GRAP2: variants seen among roughly 807,000 people sequenced by gnomAD.
The protein encoded by GRAP2 is GRB2-related adapter protein 2.
GRAP2 carries 31 observed loss-of-function variants against 43.5 expected under a neutral mutation model. The observed-to-expected ratio is 0.71, with a 90% CI of 0.54 to 0.96. The LOEUF (loss-of-function observed/expected upper bound fraction) is 0.96, where lower values mean the gene tolerates loss of function less well. Ranked by LOEUF, GRAP2 falls within the 40% of genes least tolerant of loss-of-function variation. The pLI, the probability that GRAP2 is intolerant of heterozygous loss-of-function variation, is 0.00. For missense variants in GRAP2, 371 were observed against 424.4 expected, an observed-to-expected ratio of 0.87 and a Z score of 1.11; for synonymous variants, 156 against 164.8, an observed-to-expected ratio of 0.95 and a Z score of 0.41.
At chr22:39,906,457 T>C (rs2066523852) in intron 1 of GRAP2, among the ~76,000 whole-genome samples, 1 of 152,172 alleles carries the variant, frequency 6.6e-6, no homozygotes, top group Non-Finnish European at 1.5e-5. Flanking sequence ...ACAAAAGGGT[T>C]CGACTGCTGA....
chr22:39,897,940 C>T (rs1312717694), upstream of GRAP2, among the ~76,000 whole-genome samples: 2 of 152,156 alleles, frequency 1.3e-5, no homozygotes, highest in Non-Finnish European at 2.9e-5. Flanking sequence ...ATACTACTCC[C>T]CAGTTCAAAA....
intron 1 of GRAP2, among the ~76,000 whole-genome samples, chr22:39,945,753 T>A (rs1460536391): frequency 6.6e-6 from 1 of 152,228 alleles, no homozygotes; most frequent in African/African-American, 2.4e-5. Context: ...CTTGTGCTGA[T>A]TTTGGTCAGG....
At position 39,904,398 on chromosome 22, in the gene GRAP2, A is replaced by AAAAAG. The variant is rs568359773; in HGVS notation, c.-15+3085_-15+3089dup. ...GCAAGATCCTGTCTCAAAAAGAGGA[A>AAAAAG]AAAAGAAAAGAAAAGAAAAGATAGT... On this transcript the variant is annotated intron_variant, in intron 1 of 7. Coordinates refer to ENST00000344138, the MANE Select transcript of GRAP2 (RefSeq NM_004810.4). 1.8e-4 allele frequency among the ~76,000 whole-genome samples: 28 copies of AAAAAG among 152,374 alleles called. No homozygotes were observed. The South Asian group carries it at 1.9e-3, about 10-fold the overall frequency.
intron 1 of GRAP2, among the ~76,000 whole-genome samples, chr22:39,912,742 T>C (rs2145577303): frequency 6.6e-6 from 1 of 152,236 alleles, no homozygotes; most frequent in East Asian, 1.9e-4. Flanking sequence ...CATGTCACTA[T>C]ATGACCAGGC....
chr22:39,938,610 G>A (rs2066831777), intron 1 of GRAP2, among the ~76,000 whole-genome samples: 1 of 152,226 alleles, frequency 6.6e-6, no homozygotes, highest in African/African-American at 2.4e-5. Context: ...CACAGAAGGT[G>A]ACTGTGGGCT....
intron 1 of GRAP2, among the ~76,000 whole-genome samples, chr22:39,922,224 T>C (rs1001047590): frequency 8.5e-5 from 13 of 152,258 alleles, no homozygotes; most frequent in African/African-American, 2.4e-4. Flanking sequence ...TGCCTTTCCA[T>C]TGGGTGCCAT....
intron 3 of GRAP2, 83 bp from the exon 4 acceptor site, chr22:39,959,972 C>G (rs1033751928): frequency 7.5e-7 from 1 of 1,332,204 alleles, no homozygotes; most frequent in Non-Finnish European, 1.1e-6. Context: ...GCCTCTTTCC[C>G]TCTGGGTCAC....
intron 1 of GRAP2, among the ~76,000 whole-genome samples, chr22:39,940,749 C>G (rs1420772660): frequency 3.3e-5 from 5 of 152,122 alleles, no homozygotes; most frequent in African/African-American, 9.7e-5. Context: ...GGAATTTAAG[C>G]ATCAGACAGT....
intron 1 of GRAP2, among the ~76,000 whole-genome samples, chr22:39,946,298 AT>A (rs1475344426): frequency 6.6e-6 from 1 of 152,216 alleles, no homozygotes; most frequent in East Asian, 1.9e-4. Flanking sequence ...CAAAACTGGG[AT>A]TGGAGCCAGC....
intron 1 of GRAP2, among the ~76,000 whole-genome samples, chr22:39,909,721 G>A (rs892879245): frequency 9.9e-5 from 15 of 152,156 alleles, no homozygotes; most frequent in Non-Finnish European, 1.8e-4. Context: ...GTACCACAAT[G>A]CAAAACTGAT....
At chr22:39,939,265 G>C (rs747310626) in intron 1 of GRAP2, among the ~76,000 whole-genome samples, 1 of 152,164 alleles carries the variant, frequency 6.6e-6, no homozygotes, top group Non-Finnish European at 1.5e-5. Flanking sequence ...TCTCGAACCT[G>C]AGAAGAAATG....
At chr22:39,927,351 C>G (rs1276879205) in intron 1 of GRAP2, among the ~76,000 whole-genome samples, 1 of 152,126 alleles carries the variant, frequency 6.6e-6, no homozygotes, top group Non-Finnish European at 1.5e-5. Flanking sequence ...TGTGAATCAG[C>G]CCTGGGATTG....
chr22:39,969,679 C>T, intron 7 of GRAP2, 146 bp downstream of exon 7: 1 of 784,956 alleles, frequency 1.3e-6, no homozygotes, highest in Non-Finnish European at 2.0e-6. Context: ...TTTGGGAGGC[C>T]AAGGCAGGTG....
rs368822943 is a variant in GRAP2, at chr22:39,970,967, C to T, written c.876C>T (p.Phe292=). 1.2e-6 allele frequency: 2 copies of T among 1,613,356 alleles called. No homozygotes were observed. The highest frequency in any genetic ancestry group is 1.7e-6 in the Non-Finnish European group (2 of 1,179,814). The change falls in exon 8 of 8, where the codon TTC becomes TTT. Residue 292 remains phenylalanine (F), a synonymous_variant. Coordinates refer to ENST00000344138, the MANE Select transcript of GRAP2 (RefSeq NM_004810.4). The part of the protein sequence containing the change: ...FEALEDDELG[F]HSGEVVEVLD... ...CCCTGGAGGATGACGAGCTGGGGTTCCACAGCGGGGAGGTGGTGGAGGTCC... is the reference window on the plus strand; with the variant it reads ...CCCTGGAGGATGACGAGCTGGGGTTTCACAGCGGGGAGGTGGTGGAGGTCC...
At chr22:39,960,681 T>C (rs1797283850) in intron 4 of GRAP2, 1 of 154,186 alleles carries the variant, frequency 6.5e-6, no homozygotes, top group Non-Finnish European at 1.4e-5. Flanking sequence ...GGAAAAGTTG[T>C]GGCACCTTTC....
At chr22:39,921,450 A>G (rs2066651195) in intron 1 of GRAP2, among the ~76,000 whole-genome samples, 1 of 152,240 alleles carries the variant, frequency 6.6e-6, no homozygotes, top group African/African-American at 2.4e-5. Context: ...ATGGGTTTAC[A>G]CTGCCTGGCA....
intron 1 of GRAP2, among the ~76,000 whole-genome samples, chr22:39,941,775 T>C (rs1198199959): frequency 1.3e-5 from 2 of 151,990 alleles, no homozygotes; most frequent in East Asian, 1.9e-4. Flanking sequence ...AAAGCCAAAA[T>C]ATTTACTCTC....
intron 1 of GRAP2, among the ~76,000 whole-genome samples, chr22:39,943,812 C>T (rs1171724827): frequency 3.3e-5 from 5 of 151,570 alleles, no homozygotes; most frequent in South Asian, 2.1e-4. Flanking sequence ...CTCCACCTCC[C>T]GGGTTCAAGT....
At chr22:39,897,508 G>T (rs2145559026), upstream of GRAP2, among the ~76,000 whole-genome samples, 1 of 147,632 alleles carries the variant, frequency 6.8e-6, no homozygotes, top group African/African-American at 2.5e-5. Flanking sequence ...GACTATGAAA[G>T]TAGCCTCTTT....
Sources: gnomAD v4.1 joint callset for allele counts (sites outside exome capture counted in the v4.1 genomes callset) on GRCh38, gnomAD v4.1.1 for gene constraint, MANE v1.5 for transcripts, NCBI Gene and HGNC (gene_info 2026-07-23, HGNC 2026-07-21) for gene names.